Variants in PRDM5 observed in about 807,000 individuals in gnomAD.
The protein encoded by PRDM5 is PR/SET domain 5, also known as PR domain zinc finger protein 5.
A neutral mutation model predicts 81.2 loss-of-function variants in PRDM5; 56 were observed. The observed-to-expected ratio is 0.69, with a 90% confidence interval of 0.56 to 0.86. The LOEUF (loss-of-function observed/expected upper bound fraction) is 0.86. Among genes scored for constraint, PRDM5 ranks in the 40% least tolerant of loss-of-function variants. The pLI is 0.00. For missense variants in PRDM5, 697 were observed against 770.1 expected (o/e 0.91, Z 1.12); for synonymous variants, 267 against 256.4 (o/e 1.04, Z -0.39).
intron 13 of PRDM5, among the ~76,000 whole-genome samples, chr4:120,772,614 T>C (rs1747459862): frequency 6.6e-6 from 1 of 152,180 alleles, no homozygotes. Flanking sequence ...AAGACGGAAA[T>C]GGCCCCAGTT....
intron 14 of PRDM5, among the ~76,000 whole-genome samples, chr4:120,715,322 G>A (rs1005827796): frequency 4.0e-5 from 6 of 151,858 alleles, no homozygotes; most frequent in Non-Finnish European, 5.9e-5. Context: ...CCTTTTTTCC[G>A]GGATATGGAG....
At chr4:120,706,561 A>C (rs1468421424) in intron 15 of PRDM5, among the ~76,000 whole-genome samples, 1 of 152,022 alleles carries the variant, frequency 6.6e-6, no homozygotes, top group Non-Finnish European at 1.5e-5. Flanking sequence ...ATATCTGCCT[A>C]GGGTTCAAAA....
chr4:120,821,433 A>G, intron 3 of PRDM5, 88 bp from the exon 4 acceptor site: 2 of 1,249,996 alleles, frequency 1.6e-6, no homozygotes, highest in Non-Finnish European at 1.1e-6. Flanking sequence ...ATGGAGTACT[A>G]TGTGTGCATG....
At chr4:120,872,906 A>G (rs1162167521) in intron 2 of PRDM5, among the ~76,000 whole-genome samples, 3 of 152,200 alleles carry the variant, frequency 2.0e-5, no homozygotes, top group African/African-American at 7.2e-5. Context: ...CTGCTTGATA[A>G]CAATGTAAAT....
intron 1 of PRDM5, among the ~76,000 whole-genome samples, chr4:120,922,215 GGA>G (rs1339708458): frequency 6.6e-6 from 1 of 152,218 alleles, no homozygotes; most frequent in Non-Finnish European, 1.5e-5. Context: ...ACTTCCTGCG[GGA>G]GAGAGGAAAG....
intron 15 of PRDM5, among the ~76,000 whole-genome samples, chr4:120,705,760 G>GGT (rs1736015605): frequency 6.6e-6 from 1 of 152,148 alleles, no homozygotes. Flanking sequence ...GTTCTACAAA[G>GGT]ATTACTCTGC....
At chr4:120,909,349 A>T (rs1009347964) in intron 1 of PRDM5, among the ~76,000 whole-genome samples, 15 of 152,196 alleles carry the variant, frequency 9.9e-5, no homozygotes, top group African/African-American at 3.4e-4. Flanking sequence ...CAATTGCCCA[A>T]TGTACACACT....
intron 13 of PRDM5, among the ~76,000 whole-genome samples, chr4:120,765,783 C>G (rs1202005733): frequency 6.6e-6 from 1 of 152,124 alleles, no homozygotes; most frequent in African/African-American, 2.4e-5. Flanking sequence ...GAGGGTCAAA[C>G]AGTGTATCAA....
intron 14 of PRDM5, among the ~76,000 whole-genome samples, chr4:120,713,898 G>A (rs532674229): frequency 3.5e-4 from 54 of 152,238 alleles, no homozygotes; most frequent in Non-Finnish European, 4.0e-4. Context: ...TTTCTGGGTT[G>A]TGAATTCCCT....
intron 2 of PRDM5, among the ~76,000 whole-genome samples, chr4:120,885,090 G>A (rs542488915): frequency 1.2e-4 from 17 of 138,840 alleles, no homozygotes; most frequent in Admixed American, 4.6e-4. Flanking sequence ...AGCCGAGATC[G>A]CGCCACTGTA....
chr4:120,737,591 C>T (rs1678630475), intron 14 of PRDM5, among the ~76,000 whole-genome samples: 1 of 152,220 alleles, frequency 6.6e-6, no homozygotes, highest in African/African-American at 2.4e-5. Flanking sequence ...GCCTGTGACA[C>T]TACAGCTGCT....
At chr4:120,766,903 T>C (rs1746466741) in intron 13 of PRDM5, among the ~76,000 whole-genome samples, 1 of 152,200 alleles carries the variant, frequency 6.6e-6, no homozygotes, top group Non-Finnish European at 1.5e-5. Context: ...CTGTGCAGAA[T>C]GAATGGACTT....
intron 1 of PRDM5, among the ~76,000 whole-genome samples, chr4:120,913,518 G>C (rs1164208305): frequency 6.6e-6 from 1 of 152,212 alleles, no homozygotes; most frequent in Non-Finnish European, 1.5e-5. Flanking sequence ...TTTATGAAAT[G>C]CATCACTTAT....
intron 2 of PRDM5, among the ~76,000 whole-genome samples, chr4:120,863,156 T>TAAAAAA (rs66499146): frequency 2.6e-3 from 104 of 40,026 alleles, no homozygotes; most frequent in African/African-American, 0.011. Context: ...AGACTCTGTC[T>TAAAAAA]AAAAAAAAAA....
At chr4:120,685,308 T>C (rs1036184896) in intron 1 of PRDM5, among the ~76,000 whole-genome samples, 69 of 152,118 alleles carry the variant, frequency 4.5e-4, no homozygotes, top group Non-Finnish European at 1.0e-4. Context: ...GAGCTGGATA[T>C]AGTTCAAACA....
At chr4:120,797,793 T>C (rs369831437) in intron 10 of PRDM5, among the ~76,000 whole-genome samples, 1 of 152,096 alleles carries the variant, frequency 6.6e-6, no homozygotes. Flanking sequence ...ATGGATGTAG[T>C]TGACATTTCT....
chr4:120,847,733 A>T (rs1758817320), intron 3 of PRDM5, among the ~76,000 whole-genome samples: 1 of 152,228 alleles, frequency 6.6e-6, no homozygotes, highest in Non-Finnish European at 1.5e-5. Flanking sequence ...GACAGGCTAG[A>T]TGAAAGTCAT....
intron 2 of PRDM5, among the ~76,000 whole-genome samples, chr4:120,900,193 T>C (rs527332128): frequency 6.6e-6 from 1 of 152,220 alleles, no homozygotes; most frequent in African/African-American, 2.4e-5. Context: ...GTCACTAGTA[T>C]ATCAACCTAA....
downstream of PRDM5, among the ~76,000 whole-genome samples, chr4:120,689,600 C>CTT (rs68162390): frequency 2.8e-5 from 4 of 143,970 alleles, no homozygotes; most frequent in African/African-American, 2.6e-5. Context: ...TTTCAAAATT[C>CTT]TTTTTTTTTT....
Sources: allele counts gnomAD v4.1 joint callset (sites outside exome capture counted in the v4.1 genomes callset), GRCh38; gene constraint gnomAD v4.1.1; transcripts MANE v1.5; gene names NCBI Gene and HGNC (gene_info 2026-07-23, HGNC 2026-07-21).